RAB3C: variants seen among roughly 807,000 people sequenced by gnomAD.
The protein encoded by RAB3C is ras-related protein Rab-3C.
RAB3C carries 17 observed loss-of-function variants against 26.4 expected under a neutral mutation model. The ratio of observed to expected loss-of-function variants is 0.64; its 90% confidence interval spans 0.44 to 0.97. The LOEUF (loss-of-function observed/expected upper bound fraction) is 0.97, where lower values mean the gene tolerates loss of function less well. Among genes scored for constraint, RAB3C ranks in the 50% least tolerant of loss-of-function variants. The pLI is 0.00. For synonymous variants in RAB3C, 91 were observed against 95.9 expected (o/e 0.95, Z 0.30); for missense variants, 242 against 281.9 (o/e 0.86, Z 1.01).
chr5:58,827,022 G>T (rs1174532232), intron 4 of RAB3C, among the ~76,000 whole-genome samples: 1 of 152,206 alleles, frequency 6.6e-6, no homozygotes, highest in Non-Finnish European at 1.5e-5. Flanking sequence ...GAGCCACCCA[G>T]GAGAAAGTTA....
At position 58,759,847 on chromosome 5, in the gene RAB3C, T is replaced by C. The variant is rs370135398; in HGVS notation, c.371+33727T>C. Among the ~76,000 whole-genome samples, 179 of 152,296 alleles carry C rather than the reference T, an allele frequency of 1.2e-3. 1 individual carries two copies. Among genetic ancestry groups the C allele is most frequent in the African/African-American group, 3.8e-3 (159 of 41,570 alleles). ...AGCATCATGGGTATTGATTAATTAG[T>C]GATGAGTCATTTGGCCTATAAGAGC... On this transcript the variant is annotated intron_variant, in intron 3 of 4. Transcript: ENST00000282878.
chr5:58,627,052 T>C (rs1352374305), intron 2 of RAB3C, among the ~76,000 whole-genome samples: 2 of 152,190 alleles, frequency 1.3e-5, no homozygotes, highest in African/African-American at 4.8e-5. Context: ...TGGAGCCATC[T>C]ATGCATTTAA....
At chr5:58,640,901 A>G (rs1747400441) in intron 2 of RAB3C, among the ~76,000 whole-genome samples, 1 of 152,196 alleles carries the variant, frequency 6.6e-6, no homozygotes, top group Non-Finnish European at 1.5e-5. Flanking sequence ...AGACAGTTTT[A>G]GTTGAGTTAC....
At chr5:58,618,472 G>A (rs1294043237) in intron 2 of RAB3C, among the ~76,000 whole-genome samples, 1 of 152,116 alleles carries the variant, frequency 6.6e-6, no homozygotes, top group East Asian at 1.9e-4. Flanking sequence ...TTGAAACAGG[G>A]TCTTTCCAAA....
intron 2 of RAB3C, among the ~76,000 whole-genome samples, chr5:58,621,729 G>A (rs1402619155): frequency 2.0e-5 from 3 of 152,022 alleles, no homozygotes; most frequent in Non-Finnish European, 4.4e-5. Context: ...GTGTGTGCCA[G>A]CACACCTGGT....
chr5:58,771,279 A>G (rs911287973), intron 3 of RAB3C, among the ~76,000 whole-genome samples: 1 of 152,130 alleles, frequency 6.6e-6, no homozygotes, highest in Non-Finnish European at 1.5e-5. Flanking sequence ...TTATATAAAT[A>G]TGGGTATACA....
intron 2 of RAB3C, among the ~76,000 whole-genome samples, chr5:58,679,486 G>T (rs796430860): frequency 1.3e-5 from 2 of 152,158 alleles, no homozygotes; most frequent in African/African-American, 2.4e-5. Context: ...TATAGTACAA[G>T]CCTGTGTCTT....
At chr5:58,729,219 A>AAT (rs1740950243) in intron 3 of RAB3C, among the ~76,000 whole-genome samples, 1 of 152,024 alleles carries the variant, frequency 6.6e-6, no homozygotes, top group Non-Finnish European at 1.5e-5. Flanking sequence ...AATACAATAC[A>AAT]ATATATGCAC....
intron 3 of RAB3C, among the ~76,000 whole-genome samples, chr5:58,790,256 T>C (rs1261100484): frequency 2.6e-5 from 4 of 152,224 alleles, no homozygotes; most frequent in Non-Finnish European, 5.9e-5. Flanking sequence ...GTTAGTCATA[T>C]TTTTATCTGA....
At chr5:58,799,308 G>A (rs953138979) in intron 3 of RAB3C, among the ~76,000 whole-genome samples, 2 of 152,050 alleles carry the variant, frequency 1.3e-5, no homozygotes, top group Non-Finnish European at 1.5e-5. Flanking sequence ...GAACTGAAGT[G>A]AAAACTAGAT....
chr5:58,751,110 T>C (rs920056719), intron 3 of RAB3C, among the ~76,000 whole-genome samples: 16 of 152,266 alleles, frequency 1.1e-4, no homozygotes, highest in African/African-American at 3.9e-4. Context: ...CGGCTCAGCC[T>C]CCCAAAGTGC....
intron 2 of RAB3C, among the ~76,000 whole-genome samples, chr5:58,661,525 A>T (rs1747905781): frequency 6.7e-6 from 1 of 149,124 alleles, no homozygotes; most frequent in South Asian, 2.1e-4. Flanking sequence ...AGGGTTAAAG[A>T]CCCATTGGAG....
Position 58,809,149 on chromosome 5 carries a change from G to A in RAB3C, c.372-15889G>A, listed in dbSNP as rs144323087. Among the ~76,000 whole-genome samples, 27 of 152,256 alleles carry A rather than the reference G, an allele frequency of 1.8e-4. No homozygotes were observed. In the East Asian group the frequency reaches 5.0e-3, roughly 28 times the overall value. On this transcript the variant is annotated intron_variant, in intron 3 of 4. Coordinates refer to ENST00000282878, the MANE Select transcript of RAB3C (RefSeq NM_138453.4). ...TGAAAAACTATGTATGAATGAAAAG[G>A]AATATCAAATTCTCGTGTAAAATAC...
chr5:58,656,567 G>A (rs1047593755), intron 2 of RAB3C, among the ~76,000 whole-genome samples: 7 of 152,132 alleles, frequency 4.6e-5, no homozygotes, highest in African/African-American at 1.4e-4. Context: ...TCACAATAAA[G>A]TTATAGCAGT....
At chr5:58,675,880 G>A (rs112331800) in intron 2 of RAB3C, among the ~76,000 whole-genome samples, 1,693 of 152,008 alleles carry the variant, frequency 0.011, 12 homozygotes, top group Non-Finnish European at 0.017. Flanking sequence ...TGGTCTCCTG[G>A]GTGGGTTCCT....
intron 3 of RAB3C, chr5:58,817,177 G>A (rs937827070): frequency 6.6e-6 from 1 of 152,152 alleles, no homozygotes; most frequent in African/African-American, 2.4e-5. Flanking sequence ...CTGTAATACA[G>A]CCTACTACTG....
chr5:58,756,347 TTA>T (rs751608748), intron 3 of RAB3C, among the ~76,000 whole-genome samples: 179 of 136,146 alleles, frequency 1.3e-3, no homozygotes, highest in African/African-American at 5.1e-3. Flanking sequence ...CATATATATG[TTA>T]TATATATATA....
intron 3 of RAB3C, among the ~76,000 whole-genome samples, chr5:58,733,792 C>A (rs957151819): frequency 6.6e-6 from 1 of 152,140 alleles, no homozygotes; most frequent in South Asian, 2.1e-4. Flanking sequence ...ACCTCAAGTA[C>A]CTGGCCAGGC....
chr5:58,679,293 G>T (rs1399758750), intron 2 of RAB3C, among the ~76,000 whole-genome samples: 4 of 152,118 alleles, frequency 2.6e-5, no homozygotes, highest in Non-Finnish European at 5.9e-5. Flanking sequence ...TAGATTCCTT[G>T]ATCTCTATGA....
Sources: allele counts gnomAD v4.1 joint callset (sites outside exome capture counted in the v4.1 genomes callset), GRCh38; gene constraint gnomAD v4.1.1; transcripts MANE v1.5; gene names NCBI Gene and HGNC (gene_info 2026-07-23, HGNC 2026-07-21).